The following STK40 variants were observed in gnomAD, a reference collection of about 807,000 sequenced individuals.
STK40 encodes serine/threonine-protein kinase 40.
STK40 carries 13 observed loss-of-function variants against 47.9 expected under a neutral mutation model. That is an observed-to-expected ratio of 0.27 (90% confidence interval 0.18 to 0.43). The LOEUF is 0.43. STK40 is among the 20% of genes least tolerant of loss of function. STK40 has a pLI of 1.00. For missense variants in STK40, 460 were observed against 595.1 expected (o/e 0.77, Z 2.36); for synonymous variants, 225 against 243.2 (o/e 0.93, Z 0.69).
intron 1 of STK40, among the ~76,000 whole-genome samples, chr1:36,363,602 C>A (rs1157349010): frequency 6.7e-6 from 1 of 149,072 alleles, no homozygotes; most frequent in Non-Finnish European, 1.5e-5. Context: ...GTCAGGAGAG[C>A]GAGACCATCC....
intron 7 of STK40, 114 bp downstream of exon 7, chr1:36,348,586 C>T (rs756669566): frequency 1.1e-6 from 1 of 875,482 alleles, no homozygotes; most frequent in Non-Finnish European, 1.8e-6. Flanking sequence ...GGTCTGGGCC[C>T]CCAGTGAAGC....
rs758935498 is a variant in STK40 at position 36,355,339 on chromosome 1, G to A, written c.437C>T (p.Ala146Val). The A allele has an allele frequency of 2.5e-6, 4 of 1,614,196 alleles. No individual in the cohort carries two copies. Among genetic ancestry groups the A allele is most frequent in the South Asian group, 1.1e-5 (1 of 91,088 alleles). ...AGCGGTCTTATCGCTGAAGTCATGA[G>A]CACAGAGGCAGTCCAGGACGAGGCA... ...RICLVLDCLC[A>V]HDFSDKTADL... The change falls in exon 5 of 11, where the codon GCT becomes GTT. Residue 146 changes from alanine to valine, a missense_variant. Physicochemically the swap from Ala to Val is moderately conservative, Grantham distance 64. Around this residue, in one of 3 missense-constraint regions of STK40, gnomAD observed 277 missense variants for 358.7 expected, o/e 0.77. Coordinates refer to ENST00000373132, the MANE Select transcript of STK40 (RefSeq NM_001282547.2).
In STK40 at chr1:36,380,232, T is replaced by C. The variant is rs367879349; in HGVS notation, c.-9+5491A>G. On this transcript the variant is annotated intron_variant, in intron 1 of 10. Transcript: ENST00000373132. ...GGTGGAGGAGAAAGAAGTGCTCTTG[T>C]TTCAGATCATTTTCTCGTTTACTTT... Among the ~76,000 whole-genome samples the C allele has an allele frequency of 5.9e-5, 9 of 152,272 alleles. No individual in the cohort carries two copies. The East Asian group carries it at 7.7e-4, about 13-fold the overall frequency.
intron 1 of STK40, among the ~76,000 whole-genome samples, chr1:36,378,770 T>G (rs891933417): frequency 2.6e-5 from 4 of 152,110 alleles, no homozygotes; most frequent in African/African-American, 9.7e-5. Flanking sequence ...CTCCTTTTTT[T>G]GCTGGTTTCC....
At chr1:36,351,067 C>T (rs996929245) in intron 6 of STK40, among the ~76,000 whole-genome samples, 1 of 152,150 alleles carries the variant, frequency 6.6e-6, no homozygotes, top group Non-Finnish European at 1.5e-5. Flanking sequence ...TCAGTAGGAT[C>T]GGCTCTGAGT....
In STK40 at chr1:36,341,596, C is replaced by T; in HGVS notation, c.*159G>A. 2 of 794,414 alleles carry T rather than the reference C, an allele frequency of 2.5e-6. No homozygotes were observed. Among genetic ancestry groups the T allele is most frequent in the Non-Finnish European group, 3.9e-6 (2 of 508,642 alleles). The allele number at this position is 794,414 out of a possible 1,614,324, so 49.2% of individuals were successfully genotyped here. On this transcript the variant is annotated 3_prime_UTR_variant, in exon 11 of 11. Transcript: ENST00000373132. ...ATCCCAAAAGGTAGCTTCGTGGTAC[C>T]TCTGCTGACCCCACGTGTGACCTGG...
At chr1:36,361,454 C>G (rs1399426312) in intron 1 of STK40, 114 bp from the exon 2 acceptor site, 1 of 1,513,092 alleles carries the variant, frequency 6.6e-7, no homozygotes, top group African/African-American at 1.4e-5. Context: ...GCTGCTGCCT[C>G]CAACTCCTCC....
At chr1:36,365,532 C>T (rs1016076169) in intron 1 of STK40, among the ~76,000 whole-genome samples, 3 of 152,222 alleles carry the variant, frequency 2.0e-5, no homozygotes, top group African/African-American at 7.2e-5. Context: ...GGCCTTCTGC[C>T]AAAGAGGCTC....
chr1:36,345,991 A>ATATATTTTTT, intron 7 of STK40, among the ~76,000 whole-genome samples: 2 of 26,466 alleles, frequency 7.6e-5, no homozygotes, highest in South Asian at 1.6e-3. Context: ...ATATATATAT[A>ATATATTTTTT]TTTTTTTTTT....
chr1:36,345,985 A>ATTTTT (rs1383008702), intron 7 of STK40, among the ~76,000 whole-genome samples: 11 of 9,812 alleles, frequency 1.1e-3, no homozygotes, highest in Non-Finnish European at 2.5e-3. Context: ...ATATATATAT[A>ATTTTT]TATATATTTT....
chr1:36,371,516 A>T (rs1306418238), intron 1 of STK40, among the ~76,000 whole-genome samples: 3 of 151,260 alleles, frequency 2.0e-5, no homozygotes, highest in Non-Finnish European at 4.4e-5. Context: ...ATCAGATTGC[A>T]CCACTGCACT....
chr1:36,366,514 A>C (rs1188247062), intron 1 of STK40, among the ~76,000 whole-genome samples: 1 of 152,140 alleles, frequency 6.6e-6, no homozygotes, highest in African/African-American at 2.4e-5. Context: ...GAGCAAAGAC[A>C]CAGCTCCCAG....
chr1:36,351,231 T>A (rs539262093), intron 6 of STK40, among the ~76,000 whole-genome samples: 1 of 152,318 alleles, frequency 6.6e-6, no homozygotes, highest in African/African-American at 2.4e-5. Flanking sequence ...CGAATTTCGA[T>A]CCTTTTAAAA....
chr1:36,343,814 C>G, intron 9 of STK40, 46 bp downstream of exon 9: 2 of 1,532,950 alleles, frequency 1.3e-6, no homozygotes, highest in Non-Finnish European at 1.8e-6. Context: ...TGGGCAGAGG[C>G]CCTGAGGACG....
intron 1 of STK40, among the ~76,000 whole-genome samples, chr1:36,379,577 T>C (rs1647022763): frequency 6.6e-6 from 1 of 152,034 alleles, no homozygotes; most frequent in Admixed American, 6.6e-5. Context: ...ATACAGGGTT[T>C]TACCGTGTTA....
chr1:36,368,027 A>C, intron 1 of STK40: 1 of 264,264 alleles, frequency 3.8e-6, no homozygotes, highest in Non-Finnish European at 5.9e-6. Flanking sequence ...AGAGCAGAGC[A>C]CATATATTGT....
intron 1 of STK40, among the ~76,000 whole-genome samples, chr1:36,365,282 C>T (rs1570455873): frequency 6.6e-6 from 1 of 152,210 alleles, no homozygotes; most frequent in East Asian, 1.9e-4. Context: ...GAGCACCGCG[C>T]CCGGCCTGTT....
At chr1:36,376,430 G>C (rs901299986) in intron 1 of STK40, among the ~76,000 whole-genome samples, 2 of 152,210 alleles carry the variant, frequency 1.3e-5, no homozygotes, top group Non-Finnish European at 2.9e-5. Flanking sequence ...CTTGGGCCCA[G>C]CAATGCCAGT....
At position 36,355,266 on chromosome 1, in the gene STK40, G is replaced by A. The variant is rs752668314; in HGVS notation, c.510C>T (p.Ser170=). Residue 170 remains serine (S), a synonymous_variant, in exon 5 of 11, where the codon AGC becomes AGT. Coordinates refer to ENST00000373132, the MANE Select transcript of STK40 (RefSeq NM_001282547.2). Reference sequence around the variant, plus strand: ...AGAAGATTACCACAGTCTCCCTCTCGCTGAGCCTCTTCTCCTTGATGACGT... The same window carrying A: ...AGAAGATTACCACAGTCTCCCTCTCACTGAGCCTCTTCTCCTTGATGACGT... The part of the protein sequence containing the change: ...QHYVIKEKRL[S]ERETVVIFYD... 1.7e-5 allele frequency: 28 copies of A among 1,613,940 alleles called. No homozygotes were observed. The highest frequency in any genetic ancestry group is 1.1e-4 in the East Asian group (5 of 44,858).
Sources: gnomAD v4.1 joint callset for allele counts (sites outside exome capture counted in the v4.1 genomes callset) on GRCh38, gnomAD v4.1.1 for gene constraint, gnomAD v4.1.1 regional missense constraint, MANE v1.5 for transcripts, NCBI Gene and HGNC (gene_info 2026-07-23, HGNC 2026-07-21) for gene names.